Variants in PALM2AKAP2 observed in about 807,000 individuals in gnomAD.
The protein encoded by PALM2AKAP2 is PALM2 and AKAP2 fusion.
A neutral mutation model predicts 71.5 loss-of-function variants in PALM2AKAP2; 37 were observed. The ratio of observed to expected loss-of-function variants is 0.52; its 90% CI spans 0.40 to 0.68. The LOEUF is 0.68. PALM2AKAP2 is among the 30% of genes least tolerant of loss of function. The pLI, the probability that PALM2AKAP2 is intolerant of heterozygous loss-of-function variation, is 0.00. For synonymous variants in PALM2AKAP2, 468 were observed against 478.8 expected, an observed-to-expected ratio of 0.98 and a Z score of 0.29; for missense variants, 1,224 against 1,191.8, an observed-to-expected ratio of 1.03 and a Z score of -0.40.
At chr9:110,050,387 GTTC>G (rs1833686173) in intron 1 of PALM2AKAP2, among the ~76,000 whole-genome samples, 1 of 152,194 alleles carries the variant, frequency 6.6e-6, no homozygotes, top group African/African-American at 2.4e-5. Context: ...TTCTGGAAAT[GTTC>G]TTAATTTAAA....
At chr9:109,773,367 C>T (rs1829300964) in intron 1 of PALM2AKAP2, among the ~76,000 whole-genome samples, 1 of 152,084 alleles carries the variant, frequency 6.6e-6, no homozygotes, top group South Asian at 2.1e-4. Context: ...GAACTCCTGG[C>T]CTCAAGCTAT....
At chr9:109,963,470 C>T (rs1283072002) in intron 6 of PALM2AKAP2, among the ~76,000 whole-genome samples, 1 of 152,188 alleles carries the variant, frequency 6.6e-6, no homozygotes, top group Admixed American at 6.5e-5. Flanking sequence ...AAGATCTAGC[C>T]AGACTCAGCC....
chr9:109,914,464 T>C (rs545500801), intron 3 of PALM2AKAP2, among the ~76,000 whole-genome samples: 26 of 152,294 alleles, frequency 1.7e-4, no homozygotes, highest in African/African-American at 5.8e-4. Flanking sequence ...AGGATGGAAA[T>C]TGAGCAACTT....
intron 1 of PALM2AKAP2, among the ~76,000 whole-genome samples, chr9:109,741,026 C>G (rs1310031152): frequency 1.3e-5 from 2 of 152,156 alleles, no homozygotes; most frequent in Non-Finnish European, 2.9e-5. Flanking sequence ...GCACAGATCT[C>G]AAATTTGTTT....
chr9:109,818,644 G>T (rs1313081434), intron 1 of PALM2AKAP2, among the ~76,000 whole-genome samples: 1 of 152,078 alleles, frequency 6.6e-6, no homozygotes, highest in Non-Finnish European at 1.5e-5. Context: ...TTTATTTTTA[G>T]AGATGGAGTC....
chr9:110,081,674 C>T (rs1261842842), intron 1 of PALM2AKAP2, among the ~76,000 whole-genome samples: 1 of 152,128 alleles, frequency 6.6e-6, no homozygotes, highest in African/African-American at 2.4e-5. Context: ...GCCACCAGGC[C>T]TCATGCTCCA....
intron 1 of PALM2AKAP2, among the ~76,000 whole-genome samples, chr9:109,785,619 A>G (rs1312872655): frequency 6.6e-6 from 1 of 152,198 alleles, no homozygotes; most frequent in Admixed American, 6.5e-5. Context: ...CAGACTGGAA[A>G]TGAGAGCTTG....
chr9:110,116,295 T>A (rs951359481), intron 1 of PALM2AKAP2, among the ~76,000 whole-genome samples: 2 of 152,118 alleles, frequency 1.3e-5, no homozygotes, highest in African/African-American at 4.8e-5. Flanking sequence ...ATATTATTTT[T>A]AAAACTACTC....
intron 1 of PALM2AKAP2, among the ~76,000 whole-genome samples, chr9:109,765,760 G>A (rs759244430): frequency 6.6e-6 from 1 of 152,306 alleles, no homozygotes; most frequent in Middle Eastern, 3.4e-3. Flanking sequence ...GATTCAGAAG[G>A]TCTCAGGGTG....
chr9:109,707,186 C>G (rs1828157972), intron 1 of PALM2AKAP2, among the ~76,000 whole-genome samples: 1 of 152,136 alleles, frequency 6.6e-6, no homozygotes, highest in African/African-American at 2.4e-5. Context: ...CATGGCCTCT[C>G]TTTCCACTTG....
At position 110,053,252 on chromosome 9, in the gene PALM2AKAP2, G is replaced by A. The variant is rs900827045; in HGVS notation, c.156+4397G>A. 4.6e-5 allele frequency among the ~76,000 whole-genome samples: 7 copies of A among 152,154 alleles called. No individual in the cohort carries two copies. In the East Asian group the frequency reaches 7.7e-4, roughly 17 times the overall value. ...CAAGAGACATGTAACTGCGCCAGGCGCGGTGGCTTACACCTGTAATCCTGG... is the reference window on the plus strand; with the variant it reads ...CAAGAGACATGTAACTGCGCCAGGCACGGTGGCTTACACCTGTAATCCTGG... On this transcript the variant is annotated intron_variant, in intron 1 of 3. Transcript: ENST00000374525.
intron 2 of PALM2AKAP2, among the ~76,000 whole-genome samples, chr9:110,142,330 T>TGA (rs1836055585): frequency 6.6e-6 from 1 of 152,108 alleles, no homozygotes; most frequent in Non-Finnish European, 1.5e-5. Flanking sequence ...CCGCCTCAGG[T>TGA]GATCCGCCCG....
At chr9:110,141,578 C>G (rs1836031260) in intron 2 of PALM2AKAP2, among the ~76,000 whole-genome samples, 1 of 152,192 alleles carries the variant, frequency 6.6e-6, no homozygotes, top group Non-Finnish European at 1.5e-5. Context: ...AAGGCTGACA[C>G]GTGACTCTGA....
chr9:110,048,795 C>T (rs773012262), exon 1 of PALM2AKAP2: 6 of 1,533,754 alleles, frequency 3.9e-6, no homozygotes, highest in Non-Finnish European at 8.7e-7. Flanking sequence ...AGGCAGCGGC[C>T]GCGCGGCGCT....
intron 1 of PALM2AKAP2, among the ~76,000 whole-genome samples, chr9:110,131,180 G>A (rs1293635842): frequency 6.8e-6 from 1 of 148,120 alleles, no homozygotes; most frequent in Non-Finnish European, 1.5e-5. Flanking sequence ...AAAGTAAATG[G>A]TAGGCATCCT....
intron 1 of PALM2AKAP2, among the ~76,000 whole-genome samples, chr9:110,088,769 G>A (rs1478934265): frequency 7.4e-6 from 1 of 135,380 alleles, no homozygotes; most frequent in African/African-American, 2.7e-5. Flanking sequence ...GCCCAGGCTG[G>A]AGTGCAGTGA....
At chr9:110,129,471 G>C (rs882093) in intron 1 of PALM2AKAP2, among the ~76,000 whole-genome samples, 43,023 of 152,136 alleles carry the variant, frequency 0.28, 6,300 homozygotes, top group Middle Eastern at 0.36. Context: ...CACTTACTAG[G>C]CAGGTGATCT....
chr9:110,053,493 A>ACT (rs1242332732), intron 1 of PALM2AKAP2, among the ~76,000 whole-genome samples: 2 of 135,020 alleles, frequency 1.5e-5, no homozygotes, highest in East Asian at 4.5e-4. Context: ...GAGCCACTGC[A>ACT]CTCCAGCCTG....
chr9:109,865,888 G>C (rs2479315), intron 1 of PALM2AKAP2, among the ~76,000 whole-genome samples: 130,906 of 152,250 alleles, frequency 0.86, 56,693 homozygotes, highest in East Asian at 0.96. Flanking sequence ...CTCTGAGATG[G>C]TGGATGTGGG....
Sources: gnomAD v4.1 joint callset for allele counts (sites outside exome capture counted in the v4.1 genomes callset) on GRCh38, gnomAD v4.1.1 for gene constraint, MANE v1.5 for transcripts, NCBI Gene and HGNC (gene_info 2026-07-23, HGNC 2026-07-21) for gene names.